STK11IP: variants seen among roughly 807,000 people sequenced by gnomAD.
The protein encoded by STK11IP is serine/threonine kinase 11 interacting protein.
Under a neutral mutation model 131.7 loss-of-function variants are expected in STK11IP, and 103 were observed. The observed-to-expected ratio is 0.78, with a 90% CI of 0.67 to 0.92. The LOEUF (loss-of-function observed/expected upper bound fraction) is 0.92. STK11IP is among the 40% of genes least tolerant of loss of function. The pLI, the probability that STK11IP is intolerant of heterozygous loss-of-function variation, is 0.00. For synonymous variants in STK11IP, 557 were observed against 575.6 expected (o/e 0.97, Z 0.46); for missense variants, 1,315 against 1,385.7 (o/e 0.95, Z 0.81).
Position 219,613,894 on chromosome 2 carries a change from G to T in STK11IP, c.2680G>T (p.Ala894Ser). 6.7e-7 allele frequency: 1 copy of T among 1,483,082 alleles called. No homozygotes were observed. Among genetic ancestry groups the T allele is most frequent in the Non-Finnish European group, 9.1e-7 (1 of 1,101,336 alleles). 91.9% of individuals were successfully genotyped at this position (1,483,082 alleles called of 1,614,324 possible). ...CCGCTGTGTGCTGCTGCCCCGAGAT[G>T]CCAGGCATTGCCGGGCCTTCCTAGA... The part of the protein sequence containing the change: ...AGRCVLLPRD[A>S]RHCRAFLEEL... The change falls in exon 21 of 25, where the codon GCC becomes TCC. Residue 894 changes from alanine (A) to serine (S), a missense_variant. Physicochemically the swap from Ala to Ser is moderately conservative, Grantham distance 99. Transcript: ENST00000456909.
chr2:219,615,879 A>G, intron 24 of STK11IP, 165 bp from the exon 25 acceptor site: 3 of 933,314 alleles, frequency 3.2e-6, no homozygotes, highest in Non-Finnish European at 5.1e-6. Flanking sequence ...GATTCTGTTT[A>G]CAAAGCTCAG....
At chr2:219,601,171 C>A in intron 2 of STK11IP, 64 bp from the exon 3 acceptor site, 2 of 1,400,538 alleles carry the variant, frequency 1.4e-6, no homozygotes, top group Non-Finnish European at 2.0e-6. Context: ...CATCATAGAG[C>A]CTTAGAATAA....
In STK11IP at chr2:219,611,951, T is replaced by G; in HGVS notation, c.2336-4T>G. 2 of 1,590,452 alleles carry G rather than the reference T, an allele frequency of 1.3e-6. No individual in the cohort carries two copies. The highest frequency in any genetic ancestry group is 4.5e-5 in the East Asian group (2 of 43,980). Reference sequence around the variant, plus strand: ...GCAGGCTGATGCCCCCTCATTGCCCTCAGCCCCTGAGCGCTGTGGCCTCCG... The same window carrying G: ...GCAGGCTGATGCCCCCTCATTGCCCGCAGCCCCTGAGCGCTGTGGCCTCCG... On this transcript the variant is annotated splice_region_variant and splice_polypyrimidine_tract_variant and intron_variant, in intron 18 of 24. Coordinates refer to ENST00000456909, the MANE Select transcript of STK11IP (RefSeq NM_052902.4).
chr2:219,606,864 C>G lies in STK11IP; in HGVS notation c.1134+6C>G. ...CCCTGCTTCATAAGGTTAAGGTAAGCAGCGTCCTCCGCTGCCTTGTGCCTG... is the reference window on the plus strand; with the variant it reads ...CCCTGCTTCATAAGGTTAAGGTAAGGAGCGTCCTCCGCTGCCTTGTGCCTG... On this transcript the variant is annotated splice_donor_region_variant and intron_variant, in intron 12 of 24. Transcript: ENST00000456909. 1.9e-6 allele frequency: 3 copies of G among 1,606,334 alleles called. No individual in the cohort carries two copies. Among genetic ancestry groups the G allele is most frequent in the Non-Finnish European group, 2.6e-6 (3 of 1,175,388 alleles).
At chr2:219,606,894 T>C (rs1559180791) in intron 12 of STK11IP, 36 bp downstream of exon 12, 1 of 1,594,508 alleles carries the variant, frequency 6.3e-7, no homozygotes, top group African/African-American at 1.3e-5. Flanking sequence ...TGCCTGCGGT[T>C]GGGTGTCTCT....
chr2:219,601,231 G>A lies in STK11IP; in HGVS notation c.62-4G>A. The A allele has an allele frequency of 1.2e-6, 2 of 1,603,004 alleles. No homozygotes were observed. The highest frequency in any genetic ancestry group is 2.2e-5 in the South Asian group (2 of 90,108). On this transcript the variant is annotated splice_polypyrimidine_tract_variant and splice_region_variant and intron_variant, in intron 2 of 24. Coordinates refer to ENST00000456909, the MANE Select transcript of STK11IP (RefSeq NM_052902.4). ...TTCCCTCCTGTTTGCCCCTTTTTCTGCAGGGGATGTGGTCCTGTCTGGCTG... is the reference window on the plus strand; with the variant it reads ...TTCCCTCCTGTTTGCCCCTTTTTCTACAGGGGATGTGGTCCTGTCTGGCTG...
chr2:219,606,570 G>T (rs1329713245), intron 11 of STK11IP, 53 bp downstream of exon 11: 1 of 1,610,428 alleles, frequency 6.2e-7, no homozygotes. Context: ...AAGGGAGGGC[G>T]CTGGGGAGAG....
rs1574629135 is a variant in STK11IP, at chr2:219,611,831, C to T, written c.2332C>T (p.Pro778Ser). Reference sequence around the variant, plus strand: ...TGACCATGGTAGTTGGAGCCTCAGTCCCCGTGAGTATAGGCAAAACAAGAC... The same window carrying T: ...TGACCATGGTAGTTGGAGCCTCAGTTCCCGTGAGTATAGGCAAAACAAGAC... Reference protein sequence around the residue: ...TRDHGSWSLSPPPERCGLRSV... With the variant: ...TRDHGSWSLSSPPERCGLRSV... The change falls in exon 18 of 25, where the codon CCC becomes TCC. Residue 778 changes from proline (P) to serine (S), a missense_variant. Transcript: ENST00000456909. The T allele has an allele frequency of 3.1e-6, 5 of 1,611,086 alleles. No individual in the cohort carries two copies. In the Admixed American group the frequency reaches 5.0e-5, roughly 16 times the overall value.
At chr2:219,601,599 TCTG>T in intron 3 of STK11IP, 39 bp from the exon 4 acceptor site, 2 of 1,559,026 alleles carry the variant, frequency 1.3e-6, no homozygotes, top group Non-Finnish European at 8.7e-7. Context: ...GGCAGGAAGA[TCTG>T]CTGTGCCTCA....
At chr2:219,610,568 A>G (rs184270292) in intron 17 of STK11IP, among the ~76,000 whole-genome samples, 1 of 152,132 alleles carries the variant, frequency 6.6e-6, no homozygotes, top group African/African-American at 2.4e-5. Flanking sequence ...ACACCCAGCT[A>G]ATTTTTTGTA....
chr2:219,616,007 C>T lies in STK11IP; in HGVS notation c.3118-37C>T, dbSNP rs765936383. The T allele has an allele frequency of 3.1e-6, 5 of 1,606,894 alleles. No individual in the cohort carries two copies. The Admixed American group carries it at 8.4e-5, about 27-fold the overall frequency. On this transcript the variant is annotated intron_variant, in intron 24 of 24. Transcript: ENST00000456909. ...CCTTGTACCCACCCTGGTGTGGTCC[C>T]CATGAGCCTCGCCTTGCTAACTGCT...
rs1698522798 is a variant in STK11IP, at chr2:219,614,861, T to G, written c.2870-233T>G. 6.4e-6 allele frequency: 4 copies of G among 627,026 alleles called. No homozygotes were observed. The East Asian group carries it at 1.1e-4, about 17-fold the overall frequency. The allele number at this position is 627,026 out of a possible 1,614,324, so 38.8% of individuals were successfully genotyped here. A position where few individuals can be genotyped will look rare whatever the true frequency, so the allele number is the denominator to read the frequency against. ...ACAGAAGGAGAGGGTGGAGCCTTGT[T>G]TCTGAGTAGGGTGGGTGTGGGGCAG... is the stretch of plus-strand genomic sequence containing the variant. On this transcript the variant is annotated intron_variant, in intron 23 of 24. Coordinates refer to ENST00000456909, the MANE Select transcript of STK11IP (RefSeq NM_052902.4).
Position 219,607,904 on chromosome 2 carries a change from G to A in STK11IP, c.1220-143G>A, listed in dbSNP as rs879474701. 6.4e-5 allele frequency: 70 copies of A among 1,087,938 alleles called. No homozygotes were observed. In the Admixed American group the frequency reaches 1.2e-3, roughly 19 times the overall value. The allele number at this position is 1,087,938 out of a possible 1,614,324, so 67.4% of individuals were successfully genotyped here. A position where few individuals can be genotyped will look rare whatever the true frequency, so the allele number is the denominator to read the frequency against. On this transcript the variant is annotated intron_variant, in intron 13 of 24. Transcript: ENST00000456909. Reference sequence around the variant, plus strand: ...CATAGGACACGCTTTAGTACATGCCGCGGAGGGGACGCCTGTAGCCTCCCT... The same window carrying A: ...CATAGGACACGCTTTAGTACATGCCACGGAGGGGACGCCTGTAGCCTCCCT...
intron 5 of STK11IP, 41 bp from the exon 6 acceptor site, chr2:219,602,427 A>G (rs775915402): frequency 2.0e-6 from 3 of 1,477,138 alleles, no homozygotes; most frequent in Non-Finnish European, 2.8e-6. Flanking sequence ...ATAGGGAGGA[A>G]GGGGAGGGTG....
intron 2 of STK11IP, among the ~76,000 whole-genome samples, chr2:219,598,933 G>C (rs1322004343): frequency 1.3e-5 from 2 of 152,184 alleles, no homozygotes; most frequent in East Asian, 1.9e-4. Flanking sequence ...CTGTAAGATG[G>C]GGTTAATAGT....
In STK11IP at chr2:219,605,937, C is replaced by T; in HGVS notation, c.746-19C>T. Reference sequence around the variant, plus strand: ...GTACTCATCCACATGCTCTTCCTTCCTTCTTGCGTCCACCCCAGGCCTAGA... The same window carrying T: ...GTACTCATCCACATGCTCTTCCTTCTTTCTTGCGTCCACCCCAGGCCTAGA... On this transcript the variant is annotated intron_variant, in intron 8 of 24. Transcript: ENST00000456909. 6.3e-7 allele frequency: 1 copy of T among 1,581,186 alleles called. No homozygotes were observed. Among genetic ancestry groups the T allele is most frequent in the South Asian group, 1.2e-5 (1 of 86,772 alleles).
intron 14 of STK11IP, 36 bp downstream of exon 14, chr2:219,608,466 G>C: frequency 6.5e-7 from 1 of 1,532,990 alleles, no homozygotes; most frequent in Non-Finnish European, 8.8e-7. Flanking sequence ...GCTGAGGCCA[G>C]GGGCCCTTGG....
chr2:219,608,038 C>G lies in STK11IP; in HGVS notation c.1220-9C>G. 1.2e-6 allele frequency: 2 copies of G among 1,607,144 alleles called. No homozygotes were observed. The highest frequency in any genetic ancestry group is 1.7e-6 in the Non-Finnish European group (2 of 1,176,578). The stretch of plus-strand genomic sequence containing the variant: ...GGCTTGCTCAGTTCTGGGTTCCCCT[C>G]CTGCCTAGGATGGTTCGTGCAGCAG... On this transcript the variant is annotated splice_polypyrimidine_tract_variant and intron_variant, in intron 13 of 24. Transcript: ENST00000456909.
intron 11 of STK11IP, 94 bp downstream of exon 11, chr2:219,606,611 C>T: frequency 5.0e-6 from 8 of 1,604,390 alleles, no homozygotes; most frequent in Non-Finnish European, 6.0e-6. Flanking sequence ...CAGGGTCTTC[C>T]TGGTCAGTGG....
Sources: gnomAD v4.1 joint callset for allele counts (sites outside exome capture counted in the v4.1 genomes callset) on GRCh38, gnomAD v4.1.1 for gene constraint, MANE v1.5 for transcripts, NCBI Gene and HGNC (gene_info 2026-07-23, HGNC 2026-07-21) for gene names.